ACOT11: variants seen among roughly 807,000 people sequenced by gnomAD.
ACOT11 encodes the protein acyl-coenzyme A thioesterase 11.
ACOT11 carries 69 observed loss-of-function variants against 77.5 expected under a neutral mutation model. That is an observed-to-expected ratio of 0.89 (90% confidence interval 0.73 to 1.09). The LOEUF is 1.09. ACOT11 is among the 50% of genes least tolerant of loss of function. The probability of loss-of-function intolerance (pLI) is 0.00; values close to 1 mark genes in which losing one functional copy is unlikely to be tolerated. For synonymous variants in ACOT11, 279 were observed against 313.0 expected, an observed-to-expected ratio of 0.89 and a Z score of 1.15; for missense variants, 766 against 813.7, an observed-to-expected ratio of 0.94 and a Z score of 0.71.
chr1:54,609,430 G>A lies in ACOT11; in HGVS notation c.*318G>A. 7 of 1,613,860 alleles carry A rather than the reference G, an allele frequency of 4.3e-6. No homozygotes were observed. The highest frequency in any genetic ancestry group is 5.9e-6 in the Non-Finnish European group (7 of 1,180,016). Reference sequence around the variant, plus strand: ...GCTCCACTGTGACGGTGGCCCGGGGGGAGGATGCCAGCAGCCTGCCTATGG... The same window carrying A: ...GCTCCACTGTGACGGTGGCCCGGGGAGAGGATGCCAGCAGCCTGCCTATGG... On this transcript the variant is annotated 3_prime_UTR_variant, in exon 16 of 16. Transcript: ENST00000343744.
At chr1:54,624,269 G>T (rs1644258057) in intron 15 of ACOT11, among the ~76,000 whole-genome samples, 1 of 152,110 alleles carries the variant, frequency 6.6e-6, no homozygotes, top group African/African-American at 2.4e-5. Context: ...GCTGTGATAG[G>T]CCACCCGAGG....
chr1:54,592,162 C>T lies in ACOT11; in HGVS notation c.312-384C>T, dbSNP rs190710810. 5.2e-4 allele frequency among the ~76,000 whole-genome samples: 79 copies of T among 152,250 alleles called. No homozygotes were observed. In the East Asian group the frequency reaches 0.014, roughly 28 times the overall value. On this transcript the variant is annotated intron_variant, in intron 3 of 15. Transcript: ENST00000343744. Reference sequence around the variant, plus strand: ...AGAGGTCACTCTGCCAGGAGAGTGCCGCAGGGTGAGCCTCTGCAGGGCCTC... The same window carrying T: ...AGAGGTCACTCTGCCAGGAGAGTGCTGCAGGGTGAGCCTCTGCAGGGCCTC...
chr1:54,624,073 T>G (rs553935693), intron 15 of ACOT11, among the ~76,000 whole-genome samples: 1 of 152,200 alleles, frequency 6.6e-6, no homozygotes, highest in Admixed American at 6.5e-5. Flanking sequence ...AGCGAGTCCA[T>G]GGGGAAGGGG....
chr1:54,615,968 C>G, intron 15 of ACOT11: 2 of 1,592,458 alleles, frequency 1.3e-6, no homozygotes, highest in Non-Finnish European at 1.7e-6. Context: ...GCACATGCTG[C>G]CCCAGGGCCA....
chr1:54,588,833 T>G (rs1569722220), intron 3 of ACOT11, among the ~76,000 whole-genome samples: 1 of 151,766 alleles, frequency 6.6e-6, no homozygotes, highest in African/African-American at 2.4e-5. Flanking sequence ...AGGCTGTGGT[T>G]GGAAGGGAAA....
Position 54,604,402 on chromosome 1 carries a change from C to T in ACOT11, c.1209C>T (p.Asn403=). ...SSLKMLVAKD[N]WVLSSEISQV... ...TGAAGATGCTTGTGGCCAAGGACAA[C>T]TGGGTGCTGTCCTCGGAGATCAGTC... The change falls in exon 12 of 16, where the codon AAC becomes AAT. Residue 403 remains asparagine (N), a synonymous_variant. Coordinates refer to ENST00000343744, the MANE Select transcript of ACOT11 (RefSeq NM_147161.4). 6.2e-7 allele frequency: 1 copy of T among 1,614,090 alleles called. No individual in the cohort carries two copies. The highest frequency in any genetic ancestry group is 8.5e-7 in the Non-Finnish European group (1 of 1,180,020).
At chr1:54,634,023 C>T (rs1330127896) in intron 16 of ACOT11, among the ~76,000 whole-genome samples, 1 of 152,200 alleles carries the variant, frequency 6.6e-6, no homozygotes, top group Non-Finnish European at 1.5e-5. Context: ...AATTCACAGA[C>T]TCCAACTCCT....
chr1:54,610,132 T>G lies in ACOT11; in HGVS notation c.*1020T>G. ...ATGTGCCTGGTGCATGAGAAACTCT[T>G]GTTTCAGCTCTTGGCCTTTACCCAT... On this transcript the variant is annotated 3_prime_UTR_variant, in exon 16 of 16. Transcript: ENST00000343744. 1 of 1,433,274 alleles carries G rather than the reference T, an allele frequency of 7.0e-7. No homozygotes were observed. Among genetic ancestry groups the G allele is most frequent in the Non-Finnish European group, 9.1e-7 (1 of 1,099,262 alleles). The allele number at this position is 1,433,274 out of a possible 1,614,324, so 88.8% of individuals were successfully genotyped here.
chr1:54,620,297 G>A (rs1050596034), intron 15 of ACOT11, among the ~76,000 whole-genome samples: 10 of 152,234 alleles, frequency 6.6e-5, no homozygotes, highest in African/African-American at 1.9e-4. Flanking sequence ...CACAGACAAG[G>A]GAGAATAGGT....
chr1:54,631,018 G>A, intron 16 of ACOT11: 1 of 438,708 alleles, frequency 2.3e-6, no homozygotes, highest in South Asian at 6.6e-5. Context: ...AACAGAAGAG[G>A]TTACAGAGCA....
rs2570774 is a variant in ACOT11, at chr1:54,601,140, C to T, written c.885-129C>T. Reference sequence around the variant, plus strand: ...ACATGTGTGTGTATGTGTGTGCATACGTGTGTGTGTGTGCATGCATGTGTG... The same window carrying T: ...ACATGTGTGTGTATGTGTGTGCATATGTGTGTGTGTGTGCATGCATGTGTG... On this transcript the variant is annotated intron_variant, in intron 8 of 15. Coordinates refer to ENST00000343744, the MANE Select transcript of ACOT11 (RefSeq NM_147161.4). The T allele has an allele frequency of 2.7e-3, 2,057 of 775,386 alleles. 47 individuals carry two copies. The highest frequency in any genetic ancestry group is 0.02 in the African/African-American group (1,069 of 54,536). 48.0% of individuals were successfully genotyped at this position (775,386 alleles called of 1,614,324 possible). A position where few individuals can be genotyped will look rare whatever the true frequency, so the allele number is the denominator to read the frequency against.
intron 1 of ACOT11, among the ~76,000 whole-genome samples, chr1:54,562,042 T>C (rs1188718077): frequency 4.8e-5 from 3 of 62,392 alleles, no homozygotes; most frequent in Admixed American, 1.2e-4. Flanking sequence ...GGCGGAGGGC[T>C]GACCCCCCCC....
rs562491451 is a variant in ACOT11 at position 54,580,010 on chromosome 1, T to C, written c.34-4645T>C. On this transcript the variant is annotated intron_variant, in intron 1 of 15. Transcript: ENST00000343744. ...GCTAATAGTAAGCACTCAATACATG[T>C]TAGCCACAGGGTATATGTGTGCCAG... 7.9e-5 allele frequency among the ~76,000 whole-genome samples: 12 copies of C among 152,340 alleles called. No individual in the cohort carries two copies. The South Asian group carries it at 2.3e-3, about 29-fold the overall frequency.
At chr1:54,623,351 C>A (rs1440000953) in intron 15 of ACOT11, 1 of 1,613,988 alleles carries the variant, frequency 6.2e-7, no homozygotes, top group Non-Finnish European at 8.5e-7. Context: ...TGCCGGCAAA[C>A]ACCCACTTGA....
At position 54,628,604 on chromosome 1, in the gene ACOT11, C is replaced by A. The variant is rs952186740; in HGVS notation, c.1630-2130C>A. ...AGCAAGACCCCATCGCCCCCCCCCC[C>A]CAAAAAAGGAAAAAAGAAACCCATT... is the stretch of plus-strand genomic sequence containing the variant. On this transcript the variant is annotated intron_variant, in intron 15 of 16. Coordinates refer to the ACOT11 transcript ENST00000371316. Among the ~76,000 whole-genome samples the A allele has an allele frequency of 2.5e-5, 3 of 121,396 alleles. 1 individual carries two copies. The highest frequency in any genetic ancestry group is 1.7e-4 in the Admixed American group (2 of 11,734). 79.6% of individuals were successfully genotyped at this position (121,396 alleles called of 152,430 possible).
chr1:54,601,140 C>CAG, intron 8 of ACOT11, 129 bp from the exon 9 acceptor site: 1 of 775,298 alleles, frequency 1.3e-6, no homozygotes, highest in South Asian at 1.9e-5. Flanking sequence ...TGTGTGCATA[C>CAG]GTGTGTGTGT....
chr1:54,576,973 C>T (rs1238860375), intron 1 of ACOT11, among the ~76,000 whole-genome samples: 2 of 152,354 alleles, frequency 1.3e-5, no homozygotes, highest in Admixed American at 6.5e-5. Context: ...TTTTTATAAT[C>T]ACTTACCATG....
At chr1:54,566,280 T>C (rs1158704697) in intron 1 of ACOT11, among the ~76,000 whole-genome samples, 1 of 151,940 alleles carries the variant, frequency 6.6e-6, no homozygotes, top group African/African-American at 2.4e-5. Flanking sequence ...AACATGGTGA[T>C]ACCCCATCTC....
At chr1:54,562,587 G>A (rs1218048991) in intron 1 of ACOT11, among the ~76,000 whole-genome samples, 6 of 147,086 alleles carry the variant, frequency 4.1e-5, no homozygotes, top group East Asian at 2.0e-4. Context: ...GCTGCCGGGC[G>A]GAGAGGCTCC....
Sources: gnomAD v4.1 joint callset for allele counts (sites outside exome capture counted in the v4.1 genomes callset) on GRCh38, gnomAD v4.1.1 for gene constraint, MANE v1.5 for transcripts, NCBI Gene and HGNC (gene_info 2026-07-23, HGNC 2026-07-21) for gene names.